The following SNIP1 variants were observed in gnomAD, a reference collection of about 807,000 sequenced individuals.
SNIP1 encodes the protein Smad nuclear interacting protein 1, also known as smad nuclear-interacting protein 1.
SNIP1 carries 23 observed loss-of-function variants against 37.4 expected under a neutral mutation model. That is an observed-to-expected ratio of 0.61 (90% confidence interval 0.44 to 0.87). The LOEUF is 0.87. Ranked by LOEUF, SNIP1 falls within the 40% of genes least tolerant of loss-of-function variation. SNIP1 has a pLI of 0.00. For missense variants in SNIP1, 459 were observed against 540.4 expected (o/e 0.85, Z 1.49); for synonymous variants, 174 against 200.0 (o/e 0.87, Z 1.10).
chr1:37,540,337 G>A lies in SNIP1; in HGVS notation c.746C>T (p.Pro249Leu). 1 of 1,614,076 alleles carries A rather than the reference G, an allele frequency of 6.2e-7. No individual in the cohort carries two copies. Among genetic ancestry groups the A allele is most frequent in the Non-Finnish European group, 8.5e-7 (1 of 1,180,018 alleles). Residue 249 changes from proline (P) to leucine (L), a missense_variant, in exon 3 of 4, where the codon CCC becomes CTC. Coordinates refer to ENST00000296215, the MANE Select transcript of SNIP1 (RefSeq NM_024700.4). The surrounding 1 kb of genome is among the most constrained non-coding windows in gnomAD (Gnocchi z 5.6). ...TTTTTTGGGGATACGTGCTTCTGGG[G>A]GCTCACTATATTTAATGACTACACC... ...FRGVVIKYSE[P>L]PEARIPKKRW...
rs1251494130 is a variant in SNIP1, at chr1:37,537,977, C to A, written c.962G>T (p.Gly321Val). 6.2e-7 allele frequency: 1 copy of A among 1,613,560 alleles called. No homozygotes were observed. The highest frequency in any genetic ancestry group is 1.7e-5 in the Admixed American group (1 of 59,932). The change falls in exon 4 of 4, where the codon GGC becomes GTC. Residue 321 changes from glycine (G) to valine (V), a missense_variant. Transcript: ENST00000296215. ...VEYTRADGTV[G>V]RRVKPYIIDL... is the part of the protein sequence containing the mutation. ...AATGATGTAGGGCTTCACTCTTCGG[C>A]CAACTGTGCCATCAGCACGGGTATA...
At chr1:37,538,508 C>CAAAAA (rs35905865) in intron 3 of SNIP1, among the ~76,000 whole-genome samples, 1 of 57,946 alleles carries the variant, frequency 1.7e-5, no homozygotes, top group Non-Finnish European at 3.1e-5. Context: ...GACTCTGTCT[C>CAAAAA]AAAAAAAAAA....
Position 37,537,718 on chromosome 1 carries a change from C to T in SNIP1, c.*30G>A, listed in dbSNP as rs375630499. 70 of 1,595,868 alleles carry T rather than the reference C, an allele frequency of 4.4e-5. No individual in the cohort carries two copies. Among genetic ancestry groups the T allele is most frequent in the East Asian group, 1.3e-4 (6 of 44,816 alleles). Reference sequence around the variant, plus strand: ...AATCAAAGACTTCCAAGAAGGAAACCGTGTATCAATAGTTTGGGTTCTTAG... The same window carrying T: ...AATCAAAGACTTCCAAGAAGGAAACTGTGTATCAATAGTTTGGGTTCTTAG... On this transcript the variant is annotated 3_prime_UTR_variant, in exon 4 of 4. Coordinates refer to ENST00000296215, the MANE Select transcript of SNIP1 (RefSeq NM_024700.4).
chr1:37,534,631 A>G lies in SNIP1; in HGVS notation c.*3117T>C, dbSNP rs561430346. The stretch of plus-strand genomic sequence containing the variant: ...ATCATTTTGTTCCTCAGATCCTGAC[A>G]TACACAATGAAAGTATTTGAAAGTT... On this transcript the variant is annotated 3_prime_UTR_variant, in exon 4 of 4. Transcript: ENST00000296215. 2 of 152,336 alleles carry G rather than the reference A, an allele frequency of 1.3e-5. No homozygotes were observed. The highest frequency in any genetic ancestry group is 4.8e-5 in the African/African-American group (2 of 41,578). 9.4% of individuals were successfully genotyped at this position (152,336 alleles called of 1,614,324 possible). A position where few individuals can be genotyped will look rare whatever the true frequency, so the allele number is the denominator to read the frequency against.
chr1:37,552,560 ACAC>A (rs1643312714), intron 2 of SNIP1, 82 bp downstream of exon 2: 3 of 1,160,456 alleles, frequency 2.6e-6, no homozygotes, highest in South Asian at 1.2e-5. Context: ...GTGTGCACAC[ACAC>A]AACACACACA....
At position 37,540,359 on chromosome 1, in the gene SNIP1, C is replaced by T. The variant is rs766523394; in HGVS notation, c.724G>A (p.Val242Ile). ...GGGGGCTCACTATATTTAATGACTA[C>T]ACCCCGGAAAGTGTTGGTGTCCTCA... ...LLEDTNTFRG[V>I]VIKYSEPPEA... The change falls in exon 3 of 4, where the codon GTA becomes ATA. Residue 242 changes from valine (V) to isoleucine (I), a missense_variant. Coordinates refer to ENST00000296215, the MANE Select transcript of SNIP1 (RefSeq NM_024700.4). This position sits in a 1 kb window ranked among gnomAD's most constrained non-coding sequence, Gnocchi z 5.6. 1.9e-6 allele frequency: 3 copies of T among 1,614,042 alleles called. No homozygotes were observed. In the African/African-American group the frequency reaches 4.0e-5, roughly 22 times the overall value.
intron 2 of SNIP1, among the ~76,000 whole-genome samples, chr1:37,548,065 T>C (rs1403713290): frequency 1.4e-5 from 2 of 139,510 alleles, no homozygotes; most frequent in Middle Eastern, 4.8e-3. Flanking sequence ...GGCAGGAGAA[T>C]GGCGTGAACC....
Position 37,554,268 on chromosome 1 carries a change from G to C in SNIP1, c.-39C>G, listed in dbSNP as rs1214764899. The C allele has an allele frequency of 1.3e-6, 2 of 1,557,176 alleles. No individual in the cohort carries two copies. Among genetic ancestry groups the C allele is most frequent in the Non-Finnish European group, 1.7e-6 (2 of 1,147,252 alleles). ...CTGGGCGAAAGAAAACAGATCAGTT[G>C]AGCTCCTCTAGCTGGAGGAAATGAC... On this transcript the variant is annotated 5_prime_UTR_variant, in exon 1 of 4. Transcript: ENST00000296215.
intron 2 of SNIP1, among the ~76,000 whole-genome samples, chr1:37,542,216 C>T (rs529654742): frequency 6.6e-6 from 1 of 152,304 alleles, no homozygotes; most frequent in African/African-American, 2.4e-5. Context: ...AAGTGATGGA[C>T]AGGCAGGTAG....
At position 37,540,942 on chromosome 1, in the gene SNIP1, G is replaced by T. The variant is rs940822150; in HGVS notation, c.328-187C>A. The T allele has an allele frequency of 4.8e-5, 27 of 568,026 alleles. No homozygotes were observed. In the African/African-American group the frequency reaches 5.0e-4, roughly 11 times the overall value. 35.2% of individuals were successfully genotyped at this position (568,026 alleles called of 1,614,324 possible). On this transcript the variant is annotated intron_variant, in intron 2 of 3. Coordinates refer to ENST00000296215, the MANE Select transcript of SNIP1 (RefSeq NM_024700.4). The surrounding 1 kb of genome is among the most constrained non-coding windows in gnomAD (Gnocchi z 5.6). ...TGTTCCCTCGCAAGGCCACAAAGAT[G>T]ATATCCCATGCTGCTATTCAACTAT...
Position 37,554,246 on chromosome 1 carries a change from G to T in SNIP1, c.-17C>A. 6.3e-7 allele frequency: 1 copy of T among 1,582,196 alleles called. No individual in the cohort carries two copies. Among genetic ancestry groups the T allele is most frequent in the Middle Eastern group, 1.7e-4 (1 of 5,924 alleles). ...CGCCTTCATTCTGTGATTTTGGCTG[G>T]GCGAAAGAAAACAGATCAGTTGAGC... On this transcript the variant is annotated 5_prime_UTR_variant, in exon 1 of 4. Transcript: ENST00000296215.
At position 37,537,184 on chromosome 1, in the gene SNIP1, T is replaced by A. The variant is rs1395715332; in HGVS notation, c.*564A>T. The A allele has an allele frequency of 6.5e-6, 1 of 153,326 alleles. No individual in the cohort carries two copies. The highest frequency in any genetic ancestry group is 1.9e-4 in the East Asian group (1 of 5,206). 9.5% of individuals were successfully genotyped at this position (153,326 alleles called of 1,614,324 possible). A position where few individuals can be genotyped will look rare whatever the true frequency, so the allele number is the denominator to read the frequency against. On this transcript the variant is annotated 3_prime_UTR_variant, in exon 4 of 4. Transcript: ENST00000296215. ...AGTCAATAATGTTTACTGACTGCAG[T>A]ACATTCCCACCCCCCAAAAAAATAA...
chr1:37,540,514 C>T lies in SNIP1; in HGVS notation c.569G>A (p.Arg190His), dbSNP rs57392277. 5.6e-6 allele frequency: 9 copies of T among 1,614,132 alleles called. No individual in the cohort carries two copies. Among genetic ancestry groups the T allele is most frequent in the South Asian group, 2.2e-5 (2 of 91,082 alleles). Residue 190 changes from arginine (R) to histidine (H), a missense_variant, in exon 3 of 4, where the codon CGC (arginine) becomes CAC (histidine). By Grantham distance (29) the Arg-to-His change is conservative. Coordinates refer to ENST00000296215, the MANE Select transcript of SNIP1 (RefSeq NM_024700.4). This position sits in a 1 kb window ranked among gnomAD's most constrained non-coding sequence, Gnocchi z 5.6. ...EFYNARRREH[R>H]QRNDVGGGGS... The stretch of plus-strand genomic sequence containing the variant: ...GCCACCACCAACGTCATTCCTCTGG[C>T]GATGCTCCCGTCGCCTGGCATTATA...
At chr1:37,539,750 G>GT (rs200483331) in intron 3 of SNIP1, among the ~76,000 whole-genome samples, 1,849 of 152,292 alleles carry the variant, frequency 0.012, 46 homozygotes, top group African/African-American at 0.043. Context: ...CAGGATTGTT[G>GT]TGAGAATCAT....
At chr1:37,551,074 G>GAC (rs55724495) in intron 2 of SNIP1, among the ~76,000 whole-genome samples, 2,012 of 143,978 alleles carry the variant, frequency 0.014, 31 homozygotes, top group African/African-American at 0.043. Context: ...CAGCCTGGGT[G>GAC]ACACACACAC....
chr1:37,543,592 T>C (rs757574696), intron 2 of SNIP1, among the ~76,000 whole-genome samples: 1 of 152,110 alleles, frequency 6.6e-6, no homozygotes, highest in South Asian at 2.1e-4. Flanking sequence ...GACCACATAT[T>C]TCTATATATA....
At chr1:37,547,649 G>A (rs564875177) in intron 2 of SNIP1, among the ~76,000 whole-genome samples, 14 of 151,958 alleles carry the variant, frequency 9.2e-5, no homozygotes, top group East Asian at 7.8e-4. Context: ...CACGAGAATC[G>A]CTTGAACCCA....
chr1:37,542,954 G>A (rs1046758592), intron 2 of SNIP1, among the ~76,000 whole-genome samples: 14 of 151,610 alleles, frequency 9.2e-5, no homozygotes, highest in African/African-American at 2.4e-4. Flanking sequence ...CAGCTATTTC[G>A]GAATTTGAGG....
At chr1:37,546,154 C>CG (rs1196675308) in intron 2 of SNIP1, among the ~76,000 whole-genome samples, 2 of 150,246 alleles carry the variant, frequency 1.3e-5, no homozygotes, top group South Asian at 2.1e-4. Flanking sequence ...GACCCCCCCC[C>CG]CCCCCGCTCC....
Sources: gnomAD v4.1 joint callset for allele counts (sites outside exome capture counted in the v4.1 genomes callset) on GRCh38, gnomAD v4.1.1 for gene constraint, Gnocchi (gnomAD v3.1) non-coding constraint, MANE v1.5 for transcripts, NCBI Gene and HGNC (gene_info 2026-07-23, HGNC 2026-07-21) for gene names.